Variants in ADGRA3 observed in about 807,000 individuals in gnomAD.
The protein encoded by ADGRA3 is G-protein coupled receptor 125.
ADGRA3 carries 56 observed loss-of-function variants against 119.8 expected under a neutral mutation model. The observed-to-expected ratio is 0.47, with a 90% CI of 0.38 to 0.58. The LOEUF (loss-of-function observed/expected upper bound fraction) is 0.58, where lower values mean the gene tolerates loss of function less well. ADGRA3 is among the 20% of genes least tolerant of loss of function. The probability of loss-of-function intolerance (pLI) is 0.00; values close to 1 mark genes in which losing one functional copy is unlikely to be tolerated. For missense variants in ADGRA3, 1,516 were observed against 1,649.0 expected, an observed-to-expected ratio of 0.92 and a Z score of 1.40; for synonymous variants, 607 against 623.8, an observed-to-expected ratio of 0.97 and a Z score of 0.40.
intron 1 of ADGRA3, among the ~76,000 whole-genome samples, chr4:22,496,483 A>G (rs532799050): frequency 2.6e-5 from 4 of 152,228 alleles, no homozygotes; most frequent in Non-Finnish European, 5.9e-5. Flanking sequence ...GTCTTTTCTT[A>G]CTAATTTACA....
intron 16 of ADGRA3, among the ~76,000 whole-genome samples, chr4:22,399,913 A>G (rs1313215323): frequency 6.6e-6 from 1 of 152,206 alleles, no homozygotes; most frequent in Non-Finnish European, 1.5e-5. Context: ...AAGTCTTCCT[A>G]TCCTTTGACC....
rs181385852 is a variant in ADGRA3, at chr4:22,442,862, G to T, written c.708C>A (p.Asp236Glu). The T allele has an allele frequency of 5.7e-5, 91 of 1,606,846 alleles. No homozygotes were observed. In the African/African-American group the frequency reaches 1.1e-3, roughly 20 times the overall value. Residue 236 changes from aspartate to glutamate, a missense_variant and splice_region_variant, in exon 7 of 19, where the codon GAC (aspartate) becomes GAA (glutamate). This residue lies in a region of ADGRA3 where 428 missense variants were observed against 541.9 expected (regional missense o/e 0.79). Coordinates refer to ENST00000334304, the MANE Select transcript of ADGRA3 (RefSeq NM_145290.4). ...TGVKQELLTC[D>E]PPLELPSFYM... ...AGAAAGACGGCAATTCAAGCGGAGG[G>T]TCTAGAGACAATCAAACAAAGATTC...
intron 1 of ADGRA3, among the ~76,000 whole-genome samples, chr4:22,496,039 A>T (rs1052771282): frequency 1.5e-4 from 22 of 151,680 alleles, no homozygotes; most frequent in South Asian, 4.1e-4. Context: ...TCATTTTTTT[A>T]AAAAAAGATA....
intron 1 of ADGRA3, among the ~76,000 whole-genome samples, chr4:22,492,910 C>A (rs1344507346): frequency 1.3e-5 from 2 of 152,220 alleles, no homozygotes; most frequent in African/African-American, 2.4e-5. Flanking sequence ...TTTGCACACA[C>A]AAGATGAGAT....
At chr4:22,507,332 TAGCTCTGTTCTCTAGAGTTA>T (rs1413656793) in intron 1 of ADGRA3, among the ~76,000 whole-genome samples, 1 of 152,160 alleles carries the variant, frequency 6.6e-6, no homozygotes, top group Non-Finnish European at 1.5e-5. Context: ...CACAATAAAT[TAGCTCTGTTCTCTAGAGTTA>T]AGATTCCTCC....
chr4:22,474,961 A>C (rs561947469), intron 1 of ADGRA3, among the ~76,000 whole-genome samples: 1 of 152,320 alleles, frequency 6.6e-6, no homozygotes, highest in African/African-American at 2.4e-5. Flanking sequence ...AGAAGATTTT[A>C]GGTATTATTA....
At chr4:22,504,026 A>T (rs1006007485) in intron 1 of ADGRA3, among the ~76,000 whole-genome samples, 2 of 152,186 alleles carry the variant, frequency 1.3e-5, no homozygotes, top group Non-Finnish European at 2.9e-5. Flanking sequence ...GTCTTCAGAC[A>T]GAATCATAAA....
chr4:22,449,657 G>A (rs1191291714), intron 4 of ADGRA3, among the ~76,000 whole-genome samples: 2 of 152,044 alleles, frequency 1.3e-5, no homozygotes, highest in African/African-American at 2.4e-5. Context: ...GACCAGCCTG[G>A]CCAACAGGTG....
intron 12 of ADGRA3, chr4:22,414,051 C>T (rs1715332880): frequency 5.4e-6 from 2 of 368,822 alleles, no homozygotes; most frequent in African/African-American, 4.3e-5. Context: ...AATAAGTAAA[C>T]AAGAAAAGTG....
chr4:22,452,393 T>C (rs1717079130), intron 4 of ADGRA3, among the ~76,000 whole-genome samples: 1 of 152,172 alleles, frequency 6.6e-6, no homozygotes, highest in Non-Finnish European at 1.5e-5. Context: ...CCCAGAAATC[T>C]ATATACAAAT....
chr4:22,433,151 T>C (rs1244599641), intron 10 of ADGRA3, among the ~76,000 whole-genome samples: 2 of 152,206 alleles, frequency 1.3e-5, no homozygotes, highest in African/African-American at 4.8e-5. Context: ...CTGAATATTT[T>C]CCTGTTTCTC....
intron 15 of ADGRA3, 34 bp downstream of exon 15, chr4:22,402,641 C>T (rs1306615056): frequency 3.8e-6 from 6 of 1,598,852 alleles, no homozygotes; most frequent in Non-Finnish European, 5.1e-6. Flanking sequence ...AAATCAAAGT[C>T]CGCAGATCTA....
At chr4:22,448,218 G>T (rs567966470) in intron 4 of ADGRA3, among the ~76,000 whole-genome samples, 2 of 152,122 alleles carry the variant, frequency 1.3e-5, no homozygotes. Context: ...CTAGAGCTCG[G>T]GGGAGGACGG....
chr4:22,388,145 TTC>T lies in ADGRA3; in HGVS notation c.3524_3525del (p.Arg1175LysfsTer2). On this transcript the variant is annotated frameshift_variant, in exon 19 of 19. Coordinates refer to ENST00000334304, the MANE Select transcript of ADGRA3 (RefSeq NM_145290.4). LOFTEE classifies it low-confidence loss of function (END_TRUNC). ...AGTCGGCTTGCCCGGTGTCCTTTAC[TTC>T]TGTTTTTATGGTGGCGGCTTGAGTG... The part of the protein sequence containing the change: ...NVHSSRHHKN[R>X]SKGHRASRLT... The T allele has an allele frequency of 6.2e-7, 1 of 1,614,120 alleles. No homozygotes were observed. The highest frequency in any genetic ancestry group is 8.5e-7 in the Non-Finnish European group (1 of 1,180,002).
intron 1 of ADGRA3, among the ~76,000 whole-genome samples, chr4:22,510,168 G>A (rs1427816469): frequency 6.6e-6 from 1 of 152,102 alleles, no homozygotes; most frequent in Non-Finnish European, 1.5e-5. Context: ...GACTACACAT[G>A]TAGAGAATGA....
At chr4:22,505,813 G>C (rs948152420) in intron 1 of ADGRA3, among the ~76,000 whole-genome samples, 1 of 152,106 alleles carries the variant, frequency 6.6e-6, no homozygotes, top group African/African-American at 2.4e-5. Context: ...GAAGGCAAGA[G>C]GTGAAGCTCT....
rs985657898 is a variant in ADGRA3 at position 22,387,486 on chromosome 4, C to T, written c.*219G>A. The T allele has an allele frequency of 6.6e-6, 3 of 452,256 alleles. No homozygotes were observed. The highest frequency in any genetic ancestry group is 1.2e-5 in the Non-Finnish European group (3 of 255,884). 28.0% of individuals were successfully genotyped at this position (452,256 alleles called of 1,614,324 possible). ...CACATCCCAAAATGTCCTGTTGGTG[C>T]TTTGACAACTAAAACAATGTTTTAG... On this transcript the variant is annotated 3_prime_UTR_variant, in exon 19 of 19. Coordinates refer to ENST00000334304, the MANE Select transcript of ADGRA3 (RefSeq NM_145290.4).
At chr4:22,461,895 A>C (rs1228667789) in intron 2 of ADGRA3, 87 bp from the exon 3 acceptor site, 5 of 789,408 alleles carry the variant, frequency 6.3e-6, no homozygotes, top group African/African-American at 1.8e-5. Flanking sequence ...TACAAAAAAA[A>C]CAAAAGTATA....
intron 4 of ADGRA3, among the ~76,000 whole-genome samples, chr4:22,449,279 A>T (rs1298140877): frequency 1.3e-5 from 2 of 152,032 alleles, no homozygotes; most frequent in African/African-American, 4.8e-5. Context: ...CAAAAAAAAA[A>T]AAAATTTTTT....
Sources: allele counts gnomAD v4.1 joint callset (sites outside exome capture counted in the v4.1 genomes callset), GRCh38; gene constraint gnomAD v4.1.1; regional missense constraint gnomAD v4.1.1; transcripts MANE v1.5; gene names NCBI Gene and HGNC (gene_info 2026-07-23, HGNC 2026-07-21).